ASIC2: variants seen among roughly 807,000 people sequenced by gnomAD.
ASIC2 encodes the protein acid-sensing ion channel 2.
Under a neutral mutation model 57.3 loss-of-function variants are expected in ASIC2, and 25 were observed. The ratio of observed to expected loss-of-function variants is 0.44; its 90% CI spans 0.32 to 0.61. The LOEUF (loss-of-function observed/expected upper bound fraction) is 0.61, where lower values mean the gene tolerates loss of function less well. ASIC2 is among the 20% of genes least tolerant of loss of function. The pLI, the probability that ASIC2 is intolerant of heterozygous loss-of-function variation, is 0.06. For missense variants in ASIC2, 641 were observed against 738.1 expected, an observed-to-expected ratio of 0.87 and a Z score of 1.52; for synonymous variants, 319 against 307.5, an observed-to-expected ratio of 1.04 and a Z score of -0.39.
intron 3 of ASIC2, among the ~76,000 whole-genome samples, chr17:33,029,973 A>C (rs2091875516): frequency 6.6e-6 from 1 of 152,124 alleles, no homozygotes. Flanking sequence ...TTATTTTTTA[A>C]CTTTTACTTT....
chr17:33,035,071 T>G (rs1476355586), intron 3 of ASIC2, among the ~76,000 whole-genome samples: 1 of 152,206 alleles, frequency 6.6e-6, no homozygotes, highest in Non-Finnish European at 1.5e-5. Context: ...TGCTCAAGTT[T>G]GGCATTCATT....
intron 1 of ASIC2, among the ~76,000 whole-genome samples, chr17:33,226,395 G>GT (rs998748915): frequency 1.3e-5 from 2 of 152,128 alleles, no homozygotes. Context: ...ATGAATAGGA[G>GT]TTTTTTAGGT....
intron 1 of ASIC2, among the ~76,000 whole-genome samples, chr17:33,524,970 G>A (rs900169117): frequency 2.4e-4 from 37 of 152,174 alleles, no homozygotes; most frequent in African/African-American, 8.7e-4. Flanking sequence ...TGTGATTCCA[G>A]GGCACAGGAA....
chr17:33,894,043 T>C (rs1005670674), intron 1 of ASIC2, among the ~76,000 whole-genome samples: 1 of 151,804 alleles, frequency 6.6e-6, no homozygotes, highest in African/African-American at 2.4e-5. Flanking sequence ...TTTTTAAAGC[T>C]GATTGGCTCT....
intron 1 of ASIC2, among the ~76,000 whole-genome samples, chr17:33,680,230 G>A (rs1207124560): frequency 6.6e-6 from 1 of 152,118 alleles, no homozygotes; most frequent in African/African-American, 2.4e-5. Context: ...GGAGGTGACT[G>A]TCATGATGTC....
chr17:33,699,645 C>G (rs369552438), intron 1 of ASIC2, among the ~76,000 whole-genome samples: 1 of 151,706 alleles, frequency 6.6e-6, no homozygotes, highest in East Asian at 1.9e-4. Flanking sequence ...GCAGAGACAT[C>G]ACAGATTTCT....
intron 1 of ASIC2, among the ~76,000 whole-genome samples, chr17:33,222,972 G>T (rs1457499098): frequency 1.3e-5 from 2 of 151,818 alleles, no homozygotes; most frequent in Non-Finnish European, 2.9e-5. Context: ...AGGTAGCCTT[G>T]TTCTCACTAG....
intron 1 of ASIC2, among the ~76,000 whole-genome samples, chr17:33,309,002 A>G (rs1906296094): frequency 6.6e-6 from 1 of 152,156 alleles, no homozygotes. Context: ...AGGCTGATAA[A>G]TGCTTGCCAC....
At chr17:33,605,507 A>G (rs1471937119) in intron 1 of ASIC2, among the ~76,000 whole-genome samples, 5 of 152,242 alleles carry the variant, frequency 3.3e-5, no homozygotes, top group Non-Finnish European at 5.9e-5. Flanking sequence ...AAGCTCAATT[A>G]GAGGCACTCT....
At chr17:34,007,528 T>C (rs1906566284) in intron 1 of ASIC2, among the ~76,000 whole-genome samples, 1 of 152,096 alleles carries the variant, frequency 6.6e-6, no homozygotes, top group Non-Finnish European at 1.5e-5. Flanking sequence ...CCAGAAGACA[T>C]TATCTGGCAT....
intron 1 of ASIC2, among the ~76,000 whole-genome samples, chr17:34,097,647 A>G (rs74394777): frequency 0.029 from 4,401 of 152,208 alleles, 219 homozygotes; most frequent in African/African-American, 0.1. Context: ...TCTAATTGTT[A>G]TATCACTAGT....
At chr17:34,003,407 C>T (rs1460002580) in intron 1 of ASIC2, 2 of 152,034 alleles carry the variant, frequency 1.3e-5, no homozygotes, top group East Asian at 3.9e-4. Flanking sequence ...TGAGTCATCC[C>T]CCTTCACCTC....
At chr17:34,064,031 A>G (rs8082631) in intron 1 of ASIC2, among the ~76,000 whole-genome samples, 59,740 of 152,062 alleles carry the variant, frequency 0.39, 14,967 homozygotes, top group African/African-American at 0.72. Context: ...AGTAATTCTA[A>G]AATTCATATA....
intron 3 of ASIC2, among the ~76,000 whole-genome samples, chr17:33,031,466 T>C (rs1409293742): frequency 1.3e-5 from 2 of 152,192 alleles, no homozygotes; most frequent in Non-Finnish European, 1.5e-5. Context: ...CATGGTTTCA[T>C]TTCTTAAACA....
chr17:33,100,899 T>G (rs2092209624), intron 2 of ASIC2, among the ~76,000 whole-genome samples: 1 of 152,276 alleles, frequency 6.6e-6, no homozygotes, highest in Non-Finnish European at 1.5e-5. Flanking sequence ...ACACTTAGCA[T>G]GTGCATTACG....
intron 1 of ASIC2, among the ~76,000 whole-genome samples, chr17:33,401,705 A>G (rs1910292045): frequency 6.6e-6 from 1 of 152,198 alleles, no homozygotes; most frequent in Non-Finnish European, 1.5e-5. Context: ...ATGACCATAA[A>G]ATCTTTGTTC....
chr17:33,959,261 C>T (rs66539657), intron 1 of ASIC2, among the ~76,000 whole-genome samples: 15,838 of 152,278 alleles, frequency 0.1, 981 homozygotes, highest in Middle Eastern at 0.17. Flanking sequence ...CTGCCTGTTA[C>T]TCAGTTCCAA....
chr17:33,612,128 A>G lies in ASIC2; in HGVS notation c.556-500061T>C, dbSNP rs539652281. ...GCCTTATATTCTATTCAGGCCTTCA[A>G]TGGATTAAATGAGGCCCACCCACAT... is the stretch of plus-strand genomic sequence containing the variant. On this transcript the variant is annotated intron_variant, in intron 1 of 9. Transcript: ENST00000359872. Among the ~76,000 whole-genome samples, 16 of 152,326 alleles carry G rather than the reference A, an allele frequency of 1.1e-4. No homozygotes were observed. The East Asian group carries it at 1.2e-3, about 11-fold the overall frequency.
At chr17:33,617,414 C>T (rs926818549) in intron 1 of ASIC2, among the ~76,000 whole-genome samples, 5 of 152,156 alleles carry the variant, frequency 3.3e-5, no homozygotes, top group Non-Finnish European at 7.3e-5. Flanking sequence ...AACCAAATAC[C>T]ACGTGTTCTC....
Sources: gnomAD v4.1 joint callset for allele counts (sites outside exome capture counted in the v4.1 genomes callset) on GRCh38, gnomAD v4.1.1 for gene constraint, MANE v1.5 for transcripts, NCBI Gene and HGNC (gene_info 2026-07-23, HGNC 2026-07-21) for gene names.